Variants in SOX6 observed in about 807,000 individuals in gnomAD.
The protein encoded by SOX6 is transcription factor SOX-6.
In SOX6, 11 loss-of-function variants were observed where a neutral mutation model predicts 97.8. The ratio of observed to expected loss-of-function variants is 0.11; its 90% CI spans 0.07 to 0.19. SOX6 has a LOEUF of 0.19. SOX6 is among the 10% of genes least tolerant of loss of function. The pLI, the probability that SOX6 is intolerant of heterozygous loss-of-function variation, is 1.00. For missense variants in SOX6, 810 were observed against 1,039.5 expected, an observed-to-expected ratio of 0.78 and a Z score of 3.04; for synonymous variants, 360 against 371.4, an observed-to-expected ratio of 0.97 and a Z score of 0.35.
intron 1 of SOX6, among the ~76,000 whole-genome samples, chr11:16,444,060 T>C (rs1356418587): frequency 2.0e-5 from 3 of 151,836 alleles, no homozygotes; most frequent in African/African-American, 7.3e-5. Context: ...AAGTATTTTG[T>C]ATTTTGTTTA....
At chr11:16,426,771 G>C (rs985388214) in intron 1 of SOX6, among the ~76,000 whole-genome samples, 2 of 151,198 alleles carry the variant, frequency 1.3e-5, no homozygotes, top group Admixed American at 6.6e-5. Flanking sequence ...AAAATTAGCC[G>C]GGCGTAGTGG....
At chr11:16,287,376 G>A (rs938044742) in intron 3 of SOX6, among the ~76,000 whole-genome samples, 20 of 149,168 alleles carry the variant, frequency 1.3e-4, no homozygotes, top group African/African-American at 5.0e-4. Flanking sequence ...CTCATACCCT[G>A]AAGACATTAA....
At chr11:16,326,716 CA>C (rs896168608) in intron 2 of SOX6, among the ~76,000 whole-genome samples, 40 of 152,054 alleles carry the variant, frequency 2.6e-4, no homozygotes, top group African/African-American at 9.4e-4. Flanking sequence ...AGAAATCATC[CA>C]AAAACAAAGT....
At chr11:15,985,173 T>C (rs1216955604) in intron 15 of SOX6, among the ~76,000 whole-genome samples, 1 of 152,176 alleles carries the variant, frequency 6.6e-6, no homozygotes, top group Non-Finnish European at 1.5e-5. Flanking sequence ...AAACACATGC[T>C]CTGAAAACAA....
At chr11:16,566,355 T>C (rs946214391) in intron 4 of SOX6, among the ~76,000 whole-genome samples, 1 of 152,220 alleles carries the variant, frequency 6.6e-6, no homozygotes, top group Non-Finnish European at 1.5e-5. Flanking sequence ...CTACCAAACT[T>C]TGAAATATTT....
chr11:16,568,669 A>G (rs990642023), intron 4 of SOX6, among the ~76,000 whole-genome samples: 2 of 152,238 alleles, frequency 1.3e-5, no homozygotes, highest in African/African-American at 4.8e-5. Flanking sequence ...AAGCAATAAA[A>G]AATTCACATT....
intron 13 of SOX6, among the ~76,000 whole-genome samples, chr11:16,008,976 A>C (rs911786482): frequency 3.9e-5 from 6 of 152,048 alleles, no homozygotes; most frequent in African/African-American, 1.4e-4. Flanking sequence ...CTGGTTCCAC[A>C]GAGATGCTAT....
chr11:16,275,145 G>C (rs1339838551), intron 3 of SOX6, among the ~76,000 whole-genome samples: 2 of 152,026 alleles, frequency 1.3e-5, no homozygotes, highest in Admixed American at 6.6e-5. Context: ...ATTACACAAA[G>C]TAAGGATTCT....
At chr11:16,522,878 CAAAG>C (rs966240668) in intron 4 of SOX6, among the ~76,000 whole-genome samples, 2 of 152,102 alleles carry the variant, frequency 1.3e-5, no homozygotes, top group South Asian at 2.1e-4. Context: ...TCAAAAGAGA[CAAAG>C]AAGGCCATTA....
At chr11:16,043,175 G>A (rs1855725197) in intron 12 of SOX6, among the ~76,000 whole-genome samples, 1 of 152,164 alleles carries the variant, frequency 6.6e-6, no homozygotes, top group Non-Finnish European at 1.5e-5. Flanking sequence ...TCTTAGAGAT[G>A]TCAAAACAAC....
chr11:16,473,782 C>A (rs750864408), intron 1 of SOX6, among the ~76,000 whole-genome samples: 1 of 152,086 alleles, frequency 6.6e-6, no homozygotes, highest in Admixed American at 6.6e-5. Context: ...GAACTCCTGA[C>A]CTTGTGATCC....
At chr11:16,678,744 G>A (rs1260632518) in intron 3 of SOX6, among the ~76,000 whole-genome samples, 1 of 152,104 alleles carries the variant, frequency 6.6e-6, no homozygotes, top group Non-Finnish European at 1.5e-5. Flanking sequence ...ATACACTTCT[G>A]CCCAAATACT....
chr11:16,709,242 G>T (rs185471295), intron 3 of SOX6, among the ~76,000 whole-genome samples: 1 of 150,872 alleles, frequency 6.6e-6, no homozygotes, highest in East Asian at 2.0e-4. Flanking sequence ...ACCTGGCCAG[G>T]CATGCTGGCT....
At chr11:16,030,721 T>C (rs1855348476) in intron 12 of SOX6, among the ~76,000 whole-genome samples, 1 of 152,162 alleles carries the variant, frequency 6.6e-6, no homozygotes, top group Admixed American at 6.5e-5. Context: ...GCCAGAGATA[T>C]TTGGTACAAC....
chr11:16,090,314 G>A (rs2133966582), intron 9 of SOX6, among the ~76,000 whole-genome samples: 1 of 152,196 alleles, frequency 6.6e-6, no homozygotes, highest in South Asian at 2.1e-4. Flanking sequence ...GCTTATGTGA[G>A]AAGAGCCAAC....
At chr11:16,507,949 C>CGTGGAAT (rs1415497099) in intron 4 of SOX6, among the ~76,000 whole-genome samples, 1 of 151,794 alleles carries the variant, frequency 6.6e-6, no homozygotes, top group Non-Finnish European at 1.5e-5. Flanking sequence ...AGAGACAATA[C>CGTGGAAT]GTGGAATGGG....
At chr11:16,726,564 A>G (rs1848307783) in intron 2 of SOX6, among the ~76,000 whole-genome samples, 1 of 152,264 alleles carries the variant, frequency 6.6e-6, no homozygotes, top group Non-Finnish European at 1.5e-5. Context: ...CTAAAGGCAC[A>G]TGCCAAGATA....
At chr11:16,514,198 A>G (rs1590229191) in intron 4 of SOX6, among the ~76,000 whole-genome samples, 3 of 148,334 alleles carry the variant, frequency 2.0e-5, no homozygotes, top group South Asian at 4.3e-4. Flanking sequence ...CCTGGGCAAC[A>G]GCGCAAGTCC....
chr11:16,485,983 G>C (rs1590220311), intron 4 of SOX6, among the ~76,000 whole-genome samples: 1 of 27,796 alleles, frequency 3.6e-5, no homozygotes, highest in Non-Finnish European at 6.0e-5. Context: ...GAGGGGAGGG[G>C]AGGGGAGGGG....
Sources: allele counts gnomAD v4.1 joint callset (sites outside exome capture counted in the v4.1 genomes callset), GRCh38; gene constraint gnomAD v4.1.1; transcripts MANE v1.5; gene names NCBI Gene and HGNC (gene_info 2026-07-23, HGNC 2026-07-21).